ZNF562: variants seen among roughly 807,000 people sequenced by gnomAD.
ZNF562 encodes zinc finger protein 562.
Under a neutral mutation model 17.5 loss-of-function variants are expected in ZNF562, and 13 were observed. The observed-to-expected ratio is 0.74, with a 90% CI of 0.48 to 1.18. ZNF562 has a LOEUF of 1.18. Among genes scored for constraint, ZNF562 ranks in the 50% most tolerant of loss-of-function variants. The pLI is 0.00. For missense variants in ZNF562, 481 were observed against 498.5 expected (o/e 0.96, Z 0.33); for synonymous variants, 163 against 165.4 (o/e 0.99, Z 0.11).
intron 5 of ZNF562, among the ~76,000 whole-genome samples, chr19:9,654,254 G>T (rs1340308438): frequency 6.6e-6 from 1 of 152,038 alleles, no homozygotes; most frequent in Admixed American, 6.6e-5. Context: ...GCCTCCCAAA[G>T]TGGTAAGATT....
At chr19:9,669,722 G>GCA (rs1300208787) in intron 1 of ZNF562, among the ~76,000 whole-genome samples, 1,067 of 97,366 alleles carry the variant, frequency 0.011, 4 homozygotes, top group South Asian at 0.033. Context: ...GCGCGAGCGC[G>GCA]CGCGCGCGCG....
chr19:9,654,537 C>A (rs553105188), intron 5 of ZNF562, among the ~76,000 whole-genome samples: 4 of 152,246 alleles, frequency 2.6e-5, no homozygotes, highest in African/African-American at 9.6e-5. Context: ...TTTCGGCTCA[C>A]TGCAACCTCC....
intron 1 of ZNF562, among the ~76,000 whole-genome samples, chr19:9,672,216 A>C (rs1327170610): frequency 6.6e-6 from 1 of 152,250 alleles, no homozygotes; most frequent in Non-Finnish European, 1.5e-5. Context: ...AGATCCAAAA[A>C]CACCCAAGAG....
chr19:9,645,405 G>A lies in ZNF562; in HGVS notation c.*7544C>T, dbSNP rs912467118. 2.0e-5 allele frequency: 3 copies of A among 152,204 alleles called. No homozygotes were observed. The highest frequency in any genetic ancestry group is 4.4e-5 in the Non-Finnish European group (3 of 68,068). The allele number at this position is 152,204 out of a possible 1,614,324, so 9.4% of individuals were successfully genotyped here. A position where few individuals can be genotyped will look rare whatever the true frequency, so the allele number is the denominator to read the frequency against. ...TCTGGAGGATTTCCCAGTGGGTCCT[G>A]AAGAACCACAGTTTATTGGCTTGTG... On this transcript the variant is annotated 3_prime_UTR_variant, in exon 6 of 6. Transcript: ENST00000453372.
At chr19:9,666,323 C>CAAAA (rs112849375) in intron 1 of ZNF562, among the ~76,000 whole-genome samples, 1 of 79,636 alleles carries the variant, frequency 1.3e-5, no homozygotes, top group Non-Finnish European at 2.8e-5. Flanking sequence ...ACCTCCGTCT[C>CAAAA]AAAAAAAAAA....
chr19:9,670,842 A>G (rs1305927333), intron 1 of ZNF562, among the ~76,000 whole-genome samples: 1 of 152,048 alleles, frequency 6.6e-6, no homozygotes, highest in Admixed American at 6.6e-5. Context: ...TACTAAAACT[A>G]CAAAAATTAG....
At chr19:9,660,387 G>A (rs2043690656) in intron 2 of ZNF562, among the ~76,000 whole-genome samples, 2 of 152,112 alleles carry the variant, frequency 1.3e-5, no homozygotes, top group South Asian at 4.1e-4. Context: ...AACACTTTGG[G>A]AGGCCGAGGC....
intron 1 of ZNF562, among the ~76,000 whole-genome samples, chr19:9,672,777 C>CTTTTT (rs869261585): frequency 1.6e-4 from 18 of 112,192 alleles, no homozygotes; most frequent in East Asian, 2.6e-4. Flanking sequence ...TATTGCCTTT[C>CTTTTT]TTTTTTTTTT....
At chr19:9,657,378 A>G (rs550385403) in intron 4 of ZNF562, among the ~76,000 whole-genome samples, 103 of 148,330 alleles carry the variant, frequency 6.9e-4, no homozygotes, top group South Asian at 5.4e-3. Flanking sequence ...TGGGTGACAG[A>G]GTGAGACTCC....
chr19:9,672,775 T>G (rs2044243952), intron 1 of ZNF562, among the ~76,000 whole-genome samples: 1 of 138,520 alleles, frequency 7.2e-6, no homozygotes, highest in South Asian at 2.2e-4. Context: ...ATTATTGCCT[T>G]TCTTTTTTTT....
In ZNF562 at chr19:9,650,851, G is replaced by A. The variant is rs1420806009; in HGVS notation, c.*2098C>T. 6.6e-6 allele frequency: 1 copy of A among 151,214 alleles called. No homozygotes were observed. Among genetic ancestry groups the A allele is most frequent in the Non-Finnish European group, 1.5e-5 (1 of 67,992 alleles). The allele number at this position is 151,214 out of a possible 1,614,324, so 9.4% of individuals were successfully genotyped here. On this transcript the variant is annotated 3_prime_UTR_variant, in exon 6 of 6. Transcript: ENST00000453372. ...GCATGCCAATAATCCCAGCTACTGAGGGTGAGGCAGGAGAATCACTGGAAC... is the reference window on the plus strand; with the variant it reads ...GCATGCCAATAATCCCAGCTACTGAAGGTGAGGCAGGAGAATCACTGGAAC...
In ZNF562 at chr19:9,644,978, G is replaced by A. The variant is rs754694963; in HGVS notation, c.*7971C>T. 66 of 151,940 alleles carry A rather than the reference G, an allele frequency of 4.3e-4. No homozygotes were observed. The highest frequency in any genetic ancestry group is 1.5e-3 in the African/African-American group (61 of 41,346). The allele number at this position is 151,940 out of a possible 1,614,324, so 9.4% of individuals were successfully genotyped here. A position where few individuals can be genotyped will look rare whatever the true frequency, so the allele number is the denominator to read the frequency against. On this transcript the variant is annotated 3_prime_UTR_variant, in exon 6 of 6. Transcript: ENST00000453372. The stretch of plus-strand genomic sequence containing the variant: ...CCTGAGTCCCTAAGCAGAGGAATAC[G>A]AATTCAAATCTTGATTTTCTCATTG...
chr19:9,667,021 G>C (rs2043979901), intron 1 of ZNF562, among the ~76,000 whole-genome samples: 1 of 145,688 alleles, frequency 6.9e-6, no homozygotes, highest in Non-Finnish European at 1.5e-5. Flanking sequence ...TAGTCTACAA[G>C]GTGAGCATTA....
Position 9,651,652 on chromosome 19 carries a change from A to G in ZNF562, c.*1297T>C, listed in dbSNP as rs2074868668. 1.3e-5 allele frequency: 2 copies of G among 152,262 alleles called. No homozygotes were observed. Among genetic ancestry groups the G allele is most frequent in the South Asian group, 4.1e-4 (2 of 4,838 alleles). The allele number at this position is 152,262 out of a possible 1,614,324, so 9.4% of individuals were successfully genotyped here. ...AAGGCATTCCTAAACCACAAACAATAGCATGAGTGATTTGTGCCTTAAGGA... is the reference window on the plus strand; with the variant it reads ...AAGGCATTCCTAAACCACAAACAATGGCATGAGTGATTTGTGCCTTAAGGA... On this transcript the variant is annotated 3_prime_UTR_variant, in exon 6 of 6. Transcript: ENST00000453372.
chr19:9,669,719 C>CGCGCGCGCGCGA (rs2044085456), intron 1 of ZNF562, among the ~76,000 whole-genome samples: 1 of 90,006 alleles, frequency 1.1e-5, no homozygotes, highest in African/African-American at 4.2e-5. Flanking sequence ...CGCGCGCGAG[C>CGCGCGCGCGCGA]GCGCGCGCGC....
chr19:9,674,811 AG>A (rs1013385720), intron 1 of ZNF562: 2 of 152,294 alleles, frequency 1.3e-5, no homozygotes, highest in African/African-American at 4.8e-5. Context: ...CACCCGGCGG[AG>A]GCGGAACAAA....
At chr19:9,656,738 C>A (rs2043499511) in intron 4 of ZNF562, 85 bp from the exon 5 acceptor site, 1 of 1,421,428 alleles carries the variant, frequency 7.0e-7, no homozygotes, top group Non-Finnish European at 9.8e-7. Context: ...AAAATAAAAG[C>A]CACAGGCCAG....
At chr19:9,664,551 G>C (rs978462443) in intron 1 of ZNF562, among the ~76,000 whole-genome samples, 2 of 152,206 alleles carry the variant, frequency 1.3e-5, no homozygotes, top group Admixed American at 6.5e-5. Flanking sequence ...CAGGGCATGT[G>C]TTCCAACATT....
chr19:9,656,871 A>AAAATATATATATATATAT (rs376933513), intron 4 of ZNF562, among the ~76,000 whole-genome samples: 5 of 142,436 alleles, frequency 3.5e-5, no homozygotes, highest in East Asian at 2.0e-4. Flanking sequence ...AAAATACAAA[A>AAAATATATATATATATAT]ATATATATAT....
Sources: gnomAD v4.1 joint callset for allele counts (sites outside exome capture counted in the v4.1 genomes callset) on GRCh38, gnomAD v4.1.1 for gene constraint, MANE v1.5 for transcripts, NCBI Gene and HGNC (gene_info 2026-07-23, HGNC 2026-07-21) for gene names.